SYT9: variants seen among roughly 807,000 people sequenced by gnomAD.
SYT9 encodes synaptotagmin 9.
In SYT9, 22 loss-of-function variants were observed where a neutral mutation model predicts 48.4. That is an observed-to-expected ratio of 0.45 (90% CI 0.32 to 0.65). The LOEUF (loss-of-function observed/expected upper bound fraction) is 0.65. SYT9 is among the 30% of genes least tolerant of loss of function. The probability of loss-of-function intolerance (pLI) is 0.03; values close to 1 mark genes in which losing one functional copy is unlikely to be tolerated. For synonymous variants in SYT9, 265 were observed against 245.0 expected (o/e 1.08, Z -0.76); for missense variants, 577 against 622.0 (o/e 0.93, Z 0.77).
chr11:7,269,698 ATACTTG>A (rs1305972480), intron 1 of SYT9, among the ~76,000 whole-genome samples: 12 of 152,284 alleles, frequency 7.9e-5, no homozygotes, highest in African/African-American at 2.9e-4. Flanking sequence ...GTCCCACTCT[ATACTTG>A]TGCTTTCATC....
intron 6 of SYT9, among the ~76,000 whole-genome samples, chr11:7,455,424 C>T (rs1035880953): frequency 6.6e-6 from 1 of 151,462 alleles, no homozygotes; most frequent in Non-Finnish European, 1.5e-5. Flanking sequence ...GCCTCTGCCT[C>T]CTGGGCTCAA....
At chr11:7,276,299 A>G (rs532881567) in intron 1 of SYT9, among the ~76,000 whole-genome samples, 5 of 152,280 alleles carry the variant, frequency 3.3e-5, no homozygotes, top group African/African-American at 9.6e-5. Flanking sequence ...ATTTCCAGCC[A>G]TCAGACCTCT....
chr11:7,302,091 T>C (rs1848931827), intron 1 of SYT9, among the ~76,000 whole-genome samples: 1 of 152,208 alleles, frequency 6.6e-6, no homozygotes, highest in African/African-American at 2.4e-5. Context: ...GATTTCAGTG[T>C]GGGATTTTCC....
intron 1 of SYT9, among the ~76,000 whole-genome samples, chr11:7,246,517 T>C (rs1847794815): frequency 6.6e-6 from 1 of 152,218 alleles, no homozygotes; most frequent in Non-Finnish European, 1.5e-5. Flanking sequence ...TTCCATGTAC[T>C]TTTTAATCCT....
intron 3 of SYT9, among the ~76,000 whole-genome samples, chr11:7,378,175 G>A (rs950397869): frequency 2.0e-5 from 3 of 151,788 alleles, no homozygotes; most frequent in Admixed American, 6.6e-5. Context: ...GGAAGAAACA[G>A]CACACAAAGA....
chr11:7,366,953 C>G (rs1850256507), intron 3 of SYT9, among the ~76,000 whole-genome samples: 1 of 150,592 alleles, frequency 6.6e-6, no homozygotes, highest in South Asian at 2.1e-4. Flanking sequence ...ACATAGTAAA[C>G]TTATGACTTA....
intron 3 of SYT9, among the ~76,000 whole-genome samples, chr11:7,411,506 A>G (rs934130349): frequency 4.6e-5 from 7 of 152,180 alleles, no homozygotes; most frequent in African/African-American, 1.7e-4. Context: ...TACATAGTAT[A>G]TACTTAAGTG....
At chr11:7,386,646 C>T (rs973316057) in intron 3 of SYT9, among the ~76,000 whole-genome samples, 3 of 152,140 alleles carry the variant, frequency 2.0e-5, no homozygotes, top group African/African-American at 7.2e-5. Flanking sequence ...TGTCAGGAAA[C>T]AACAGGTGCT....
At chr11:7,442,332 C>T (rs2134135467) in intron 6 of SYT9, among the ~76,000 whole-genome samples, 1 of 152,302 alleles carries the variant, frequency 6.6e-6, no homozygotes, top group South Asian at 2.1e-4. Context: ...GCTTTTGGCT[C>T]TCTCCTCCCA....
At chr11:7,322,156 C>T (rs938717591) in intron 3 of SYT9, among the ~76,000 whole-genome samples, 1 of 152,120 alleles carries the variant, frequency 6.6e-6, no homozygotes, top group Non-Finnish European at 1.5e-5. Context: ...TAAATACTCC[C>T]AGCAGGGCTG....
At chr11:7,260,568 G>T (rs1261278789) in intron 1 of SYT9, among the ~76,000 whole-genome samples, 1 of 152,208 alleles carries the variant, frequency 6.6e-6, no homozygotes, top group Non-Finnish European at 1.5e-5. Flanking sequence ...AATCTTGAAA[G>T]AAGTACAATT....
intron 3 of SYT9, among the ~76,000 whole-genome samples, chr11:7,369,316 G>C (rs559780341): frequency 7.0e-6 from 1 of 143,524 alleles, no homozygotes; most frequent in Admixed American, 6.9e-5. Flanking sequence ...ACTTTTTGAT[G>C]GTGTTGTTTG....
chr11:7,331,408 A>G (rs139120203), intron 3 of SYT9, among the ~76,000 whole-genome samples: 19 of 151,940 alleles, frequency 1.3e-4, no homozygotes, highest in African/African-American at 4.3e-4. Flanking sequence ...CTCTAATTGT[A>G]TGTATTGTAA....
rs527851143 is a variant in SYT9, at chr11:7,418,649, C to T, written c.1337+521C>T. Among the ~76,000 whole-genome samples, 3 of 152,284 alleles carry T rather than the reference C, an allele frequency of 2.0e-5. No individual in the cohort carries two copies. The East Asian group carries it at 5.8e-4, about 29-fold the overall frequency. On this transcript the variant is annotated intron_variant, in intron 5 of 6. Coordinates refer to ENST00000318881, the MANE Select transcript of SYT9 (RefSeq NM_175733.4). ...CTGAAAACAAACACAGAAATGTTCTCCTGAAAGTGCTAGAATCAGTATGGA... is the reference window on the plus strand; with the variant it reads ...CTGAAAACAAACACAGAAATGTTCTTCTGAAAGTGCTAGAATCAGTATGGA...
chr11:7,404,757 C>T (rs1846968769), intron 3 of SYT9, among the ~76,000 whole-genome samples: 1 of 152,072 alleles, frequency 6.6e-6, no homozygotes, highest in South Asian at 2.1e-4. Context: ...ACCTGAATTC[C>T]CGCAGAAATT....
In SYT9 at chr11:7,240,070, C is replaced by T. The variant is rs61687489; in HGVS notation, c.49+1154C>T. Among the ~76,000 whole-genome samples the T allele has an allele frequency of 3.1e-3, 466 of 152,216 alleles. 2 individuals are homozygous for T. The highest frequency in any genetic ancestry group is 9.8e-3 in the African/African-American group (409 of 41,530). ...GAGGAATGCAGGTCTGAGAACAAAGCTCTGTGGCATGCCGACAGTTAGAGG... is the reference window on the plus strand; with the variant it reads ...GAGGAATGCAGGTCTGAGAACAAAGTTCTGTGGCATGCCGACAGTTAGAGG... On this transcript the variant is annotated intron_variant and NMD_transcript_variant, in intron 1 of 8. Coordinates refer to the SYT9 transcript ENST00000524820.
chr11:7,252,387 G>A lies in SYT9; in HGVS notation c.145+56G>A, dbSNP rs1045077693. On this transcript the variant is annotated intron_variant, in intron 1 of 6. Coordinates refer to ENST00000318881, the MANE Select transcript of SYT9 (RefSeq NM_175733.4). The surrounding 1 kb of genome is among the most constrained non-coding windows in gnomAD (Gnocchi z 6.3). ...CTAAGGGCCCTGGGCTGGGACTTGGGGCCGCACCGGGGCCTGAGGCAGAAC... is the reference window on the plus strand; with the variant it reads ...CTAAGGGCCCTGGGCTGGGACTTGGAGCCGCACCGGGGCCTGAGGCAGAAC... 5.9e-6 allele frequency: 8 copies of A among 1,366,008 alleles called. No homozygotes were observed. The highest frequency in any genetic ancestry group is 7.6e-6 in the Non-Finnish European group (8 of 1,059,078). The allele number at this position is 1,366,008 out of a possible 1,614,324, so 84.6% of individuals were successfully genotyped here.
chr11:7,393,358 G>C (rs1321273711), intron 3 of SYT9, among the ~76,000 whole-genome samples: 3 of 148,894 alleles, frequency 2.0e-5, no homozygotes, highest in African/African-American at 7.4e-5. Context: ...TGTGTATATT[G>C]AGATGATCTT....
intron 1 of SYT9, among the ~76,000 whole-genome samples, chr11:7,253,922 T>A (rs997515253): frequency 2.0e-5 from 3 of 152,228 alleles, no homozygotes; most frequent in African/African-American, 7.2e-5. Flanking sequence ...CTTCCTTGCC[T>A]GTGACCAGAC....
Sources: gnomAD v4.1 joint callset for allele counts (sites outside exome capture counted in the v4.1 genomes callset) on GRCh38, gnomAD v4.1.1 for gene constraint, Gnocchi (gnomAD v3.1) non-coding constraint, MANE v1.5 for transcripts, NCBI Gene and HGNC (gene_info 2026-07-23, HGNC 2026-07-21) for gene names.